Variants in SWT1 observed in about 807,000 individuals in gnomAD.
SWT1 encodes SWT1 RNA endoribonuclease homolog.
Under a neutral mutation model 107.3 loss-of-function variants are expected in SWT1, and 33 were observed. The ratio of observed to expected loss-of-function variants is 0.31; its 90% CI spans 0.23 to 0.41. The LOEUF (loss-of-function observed/expected upper bound fraction) is 0.41, where lower values mean the gene tolerates loss of function less well. Ranked by LOEUF, SWT1 falls within the 10% of genes least tolerant of loss-of-function variation. SWT1 has a pLI of 1.00. For missense variants in SWT1, 898 were observed against 1,028.9 expected, an observed-to-expected ratio of 0.87 and a Z score of 1.74; for synonymous variants, 345 against 348.3, an observed-to-expected ratio of 0.99 and a Z score of 0.11.
At chr1:185,268,342 A>G (rs1663552985) in intron 16 of SWT1, among the ~76,000 whole-genome samples, 1 of 152,256 alleles carries the variant, frequency 6.6e-6, no homozygotes, top group Non-Finnish European at 1.5e-5. Flanking sequence ...TTTCTTAGAA[A>G]CTTAAAATTC....
intron 16 of SWT1, among the ~76,000 whole-genome samples, chr1:185,258,382 T>A (rs1474237987): frequency 6.6e-6 from 1 of 152,188 alleles, no homozygotes; most frequent in African/African-American, 2.4e-5. Context: ...TTTTGTTGTG[T>A]TTAGCTTTAT....
chr1:185,205,792 C>T lies in SWT1; in HGVS notation c.1834-833C>T, dbSNP rs961337598. On this transcript the variant is annotated intron_variant, in intron 12 of 18. Transcript: ENST00000367500. ...TGACAAAGTTGAACCAAAATGATGACGAATCATCAGAAGATACTAGGAGTG... is the reference window on the plus strand; with the variant it reads ...TGACAAAGTTGAACCAAAATGATGATGAATCATCAGAAGATACTAGGAGTG... 8.5e-5 allele frequency among the ~76,000 whole-genome samples: 13 copies of T among 152,082 alleles called. 1 individual carries two copies. The highest frequency in any genetic ancestry group is 2.7e-4 in the African/African-American group (11 of 41,478).
At chr1:185,157,886 C>T (rs1439729877) in intron 1 of SWT1, among the ~76,000 whole-genome samples, 3 of 152,088 alleles carry the variant, frequency 2.0e-5, no homozygotes, top group Non-Finnish European at 4.4e-5. Flanking sequence ...TCCCCTGTCC[C>T]CCGTACTTCT....
At chr1:185,219,869 C>T (rs1025889815) in intron 14 of SWT1, among the ~76,000 whole-genome samples, 2 of 152,010 alleles carry the variant, frequency 1.3e-5, no homozygotes, top group African/African-American at 2.4e-5. Flanking sequence ...GGCATGGTGG[C>T]TTATGCCTGT....
chr1:185,158,133 G>A (rs1653793630), intron 1 of SWT1, among the ~76,000 whole-genome samples: 1 of 152,176 alleles, frequency 6.6e-6, no homozygotes, highest in Non-Finnish European at 1.5e-5. Context: ...GTTGATAAAC[G>A]CCAATCTTCT....
intron 11 of SWT1, among the ~76,000 whole-genome samples, chr1:185,203,758 T>G (rs191361142): frequency 1.4e-4 from 22 of 152,272 alleles, no homozygotes; most frequent in African/African-American, 5.3e-4. Flanking sequence ...ACCTTTCCCC[T>G]CTTTGGGGAA....
rs562902342 is a variant in SWT1 at position 185,275,999 on chromosome 1, TTTG to T, written c.2509-602_2509-600del. 7.9e-5 allele frequency among the ~76,000 whole-genome samples: 12 copies of T among 152,272 alleles called. No homozygotes were observed. In the South Asian group the frequency reaches 1.2e-3, roughly 16 times the overall value. ...TTCTGAAAATTTAGTCAATATATTATTTGTTATCTGATCAAAATAATTTTTCTC... is the reference window on the plus strand; with the variant it reads ...TTCTGAAAATTTAGTCAATATATTATTTATCTGATCAAAATAATTTTTCTC... On this transcript the variant is annotated intron_variant, in intron 17 of 18. Transcript: ENST00000367500.
rs547980139 is a variant in SWT1, at chr1:185,208,858, T to G, written c.1972+2095T>G. On this transcript the variant is annotated intron_variant, in intron 13 of 18. Transcript: ENST00000367500. ...ACAAGTGCACCTGAAGAGGAGAGAG[T>G]AAGGGAAAGCTTTTATTGGCAAAAA... Among the ~76,000 whole-genome samples the G allele has an allele frequency of 1.2e-4, 18 of 150,342 alleles. No homozygotes were observed. The South Asian group carries it at 3.8e-3, about 32-fold the overall frequency.
At chr1:185,257,002 C>G (rs973396403) in intron 16 of SWT1, among the ~76,000 whole-genome samples, 2 of 152,110 alleles carry the variant, frequency 1.3e-5, no homozygotes, top group African/African-American at 2.4e-5. Flanking sequence ...TTCTAACAGA[C>G]AGGACCCTCA....
intron 16 of SWT1, among the ~76,000 whole-genome samples, chr1:185,256,225 A>AAGTTTCC (rs1242221990): frequency 2.0e-5 from 3 of 151,378 alleles, no homozygotes; most frequent in Non-Finnish European, 2.9e-5. Context: ...TTTTTCCTTC[A>AAGTTTCC]TTTCAAGTTT....
chr1:185,238,395 T>C (rs1303001701), intron 16 of SWT1, among the ~76,000 whole-genome samples: 2 of 152,168 alleles, frequency 1.3e-5, no homozygotes, highest in Admixed American at 6.6e-5. Context: ...GAGCAAGGTG[T>C]TGGTATTACT....
At chr1:185,157,733 G>T (rs1653742435) in intron 1 of SWT1, 1 of 152,496 alleles carries the variant, frequency 6.6e-6, no homozygotes. Context: ...GCAGTTCTGC[G>T]GTGTGGCCAG....
chr1:185,196,216 G>T (rs569427427), intron 10 of SWT1, among the ~76,000 whole-genome samples: 3 of 152,124 alleles, frequency 2.0e-5, no homozygotes, highest in Non-Finnish European at 4.4e-5. Flanking sequence ...CATATGGCTA[G>T]CCAGTTTTCC....
rs781202048 is a variant in SWT1 at position 185,166,702 on chromosome 1, A to G, written c.165+50A>G. The G allele has an allele frequency of 8.4e-6, 10 of 1,191,082 alleles. No individual in the cohort carries two copies. The Admixed American group carries it at 1.9e-4, about 22-fold the overall frequency. 73.8% of individuals were successfully genotyped at this position (1,191,082 alleles called of 1,614,324 possible). A position where few individuals can be genotyped will look rare whatever the true frequency, so the allele number is the denominator to read the frequency against. On this transcript the variant is annotated intron_variant, in intron 3 of 18. Transcript: ENST00000367500. Reference sequence around the variant, plus strand: ...AAAAGTTATTTATGCTAAAGTTTTAATCGACAGTGTTTGTGATATAAATTC... The same window carrying G: ...AAAAGTTATTTATGCTAAAGTTTTAGTCGACAGTGTTTGTGATATAAATTC...
rs544828109 is a variant in SWT1, at chr1:185,174,362, T to C, written c.225-10T>C. ...TATAATGTAACCTAGGTTTCTGTGC[T>C]GTTTTACAGATTGAGTGTAGAAATT... On this transcript the variant is annotated splice_polypyrimidine_tract_variant and intron_variant, in intron 4 of 18. Coordinates refer to ENST00000367500, the MANE Select transcript of SWT1 (RefSeq NM_017673.7). 2 of 1,520,714 alleles carry C rather than the reference T, an allele frequency of 1.3e-6. No individual in the cohort carries two copies. The highest frequency in any genetic ancestry group is 4.8e-5 in the Admixed American group (2 of 41,624). The allele number at this position is 1,520,714 out of a possible 1,614,324, so 94.2% of individuals were successfully genotyped here.
intron 2 of SWT1, among the ~76,000 whole-genome samples, chr1:185,165,251 T>C (rs1342759108): frequency 1.3e-5 from 2 of 152,084 alleles, no homozygotes; most frequent in African/African-American, 4.8e-5. Context: ...TGATCACAGG[T>C]CCCATAGCAG....
chr1:185,191,641 TTTAAA>T (rs1176095939), intron 10 of SWT1, among the ~76,000 whole-genome samples: 2 of 152,202 alleles, frequency 1.3e-5, no homozygotes, highest in African/African-American at 4.8e-5. Flanking sequence ...ATCTATGAGT[TTTAAA>T]TTATATTTTG....
intron 7 of SWT1, 31 bp from the exon 8 acceptor site, chr1:185,184,212 G>A: frequency 8.9e-6 from 10 of 1,120,976 alleles, no homozygotes; most frequent in Non-Finnish European, 1.2e-5. Context: ...CTGTTATCAA[G>A]TGTCATGAAA....
chr1:185,182,031 T>C lies in SWT1; in HGVS notation c.1112T>C (p.Leu371Ser). The C allele has an allele frequency of 6.2e-7, 1 of 1,613,610 alleles. No homozygotes were observed. Among genetic ancestry groups the C allele is most frequent in the Non-Finnish European group, 8.5e-7 (1 of 1,179,580 alleles). ...GAGTTAATGAGTATGGAAATTGACT[T>C]AGAAGATGATGTACATTCCTCCTCT... ...PGELMSMEID[L>S]EDDVHSSSAN... The change falls in exon 7 of 19, where the codon TTA becomes TCA. Residue 371 changes from leucine to serine, a missense_variant. Transcript: ENST00000367500.
Sources: gnomAD v4.1 joint callset for allele counts (sites outside exome capture counted in the v4.1 genomes callset) on GRCh38, gnomAD v4.1.1 for gene constraint, MANE v1.5 for transcripts, NCBI Gene and HGNC (gene_info 2026-07-23, HGNC 2026-07-21) for gene names.